The following XYLT1 variants were observed in gnomAD, a reference collection of about 807,000 sequenced individuals.
The protein encoded by XYLT1 is xylosyltransferase 1.
Under a neutral mutation model 91.3 loss-of-function variants are expected in XYLT1, and 36 were observed. The observed-to-expected ratio is 0.39, with a 90% CI of 0.30 to 0.52. The LOEUF is 0.52. Among genes scored for constraint, XYLT1 ranks in the 20% least tolerant of loss-of-function variants. The probability of loss-of-function intolerance (pLI) is 0.68; values close to 1 mark genes in which losing one functional copy is unlikely to be tolerated. For synonymous variants in XYLT1, 588 were observed against 532.0 expected (o/e 1.11, Z -1.45); for missense variants, 1,242 against 1,284.5 (o/e 0.97, Z 0.51).
intron 2 of XYLT1, among the ~76,000 whole-genome samples, chr16:17,351,972 C>A (rs2141856882): frequency 6.6e-6 from 1 of 152,214 alleles, no homozygotes; most frequent in South Asian, 2.1e-4. Context: ...AGCAAAATCC[C>A]ACCTCTACAA....
intron 1 of XYLT1, among the ~76,000 whole-genome samples, chr16:17,462,580 ACT>A (rs1433523011): frequency 6.6e-6 from 1 of 151,938 alleles, no homozygotes; most frequent in Admixed American, 6.6e-5. Context: ...TATTGAGGTA[ACT>A]CTCCAGTGTG....
At chr16:17,386,176 T>G (rs2035745981) in intron 1 of XYLT1, among the ~76,000 whole-genome samples, 1 of 152,230 alleles carries the variant, frequency 6.6e-6, no homozygotes, top group South Asian at 2.1e-4. Context: ...TGAGTTTTAC[T>G]GCTACCCAAA....
At chr16:17,357,970 A>G in intron 2 of XYLT1, 42 bp downstream of exon 2, 1 of 1,606,392 alleles carries the variant, frequency 6.2e-7, no homozygotes, top group Non-Finnish European at 8.5e-7. Context: ...GAGCTGGAAT[A>G]CTAAGGCTGA....
intron 1 of XYLT1, among the ~76,000 whole-genome samples, chr16:17,395,795 C>T (rs1443970813): frequency 1.3e-5 from 2 of 152,176 alleles, no homozygotes; most frequent in Non-Finnish European, 2.9e-5. Flanking sequence ...AATCAATTTA[C>T]CATATTGACA....
Position 17,184,413 on chromosome 16 carries a change from A to T in XYLT1, c.1289+13799T>A, listed in dbSNP as rs192193054. 2.0e-3 allele frequency among the ~76,000 whole-genome samples: 306 copies of T among 152,188 alleles called. 1 individual carries two copies. The highest frequency in any genetic ancestry group is 7.2e-3 in the African/African-American group (298 of 41,514). On this transcript the variant is annotated intron_variant, in intron 5 of 11. Coordinates refer to ENST00000261381, the MANE Select transcript of XYLT1 (RefSeq NM_022166.4). ...AATATCAAATTGGCAGAGGACAGAG[A>T]CCACATTTATTTCTGTACTATTTAG...
chr16:17,395,340 C>A (rs769763090), intron 1 of XYLT1, among the ~76,000 whole-genome samples: 1 of 152,000 alleles, frequency 6.6e-6, no homozygotes, highest in Non-Finnish European at 1.5e-5. Context: ...AACCCCCACC[C>A]ACACCAATCT....
At chr16:17,343,743 A>G (rs2141849226) in intron 2 of XYLT1, among the ~76,000 whole-genome samples, 1 of 152,340 alleles carries the variant, frequency 6.6e-6, no homozygotes, top group Non-Finnish European at 1.5e-5. Context: ...TGTTGGCATT[A>G]CAGGCATGAG....
At chr16:17,275,471 T>A (rs1347995807) in intron 2 of XYLT1, among the ~76,000 whole-genome samples, 2 of 151,864 alleles carry the variant, frequency 1.3e-5, no homozygotes, top group African/African-American at 4.8e-5. Flanking sequence ...TGGCCTGGGG[T>A]GGGGAAGGGA....
intron 6 of XYLT1, among the ~76,000 whole-genome samples, chr16:17,157,154 G>A (rs540071847): frequency 4.8e-4 from 73 of 152,136 alleles, no homozygotes; most frequent in African/African-American, 1.7e-3. Context: ...TACCATGTTG[G>A]CCAGGCTGGC....
intron 1 of XYLT1, among the ~76,000 whole-genome samples, chr16:17,417,400 C>T (rs2036192743): frequency 6.6e-6 from 1 of 152,082 alleles, no homozygotes; most frequent in African/African-American, 2.4e-5. Context: ...GCAGTCCTGC[C>T]CCAGGACCTT....
chr16:17,106,593 G>T lies in XYLT1; in HGVS notation c.*2102C>A. Reference sequence around the variant, plus strand: ...AATGCCCATAATTAGATGGGCCATGGGAAGGCAACCACGGAGCAAGCAGGA... The same window carrying T: ...AATGCCCATAATTAGATGGGCCATGTGAAGGCAACCACGGAGCAAGCAGGA... On this transcript the variant is annotated 3_prime_UTR_variant, in exon 12 of 12. Transcript: ENST00000261381. The T allele has an allele frequency of 6.6e-6, 1 of 152,344 alleles. No individual in the cohort carries two copies. The allele number at this position is 152,344 out of a possible 1,614,324, so 9.4% of individuals were successfully genotyped here. A position where few individuals can be genotyped will look rare whatever the true frequency, so the allele number is the denominator to read the frequency against.
At chr16:17,363,668 T>C (rs2035411789) in intron 1 of XYLT1, among the ~76,000 whole-genome samples, 1 of 152,082 alleles carries the variant, frequency 6.6e-6, no homozygotes, top group Non-Finnish European at 1.5e-5. Flanking sequence ...GCCTCCCGAG[T>C]AGCTGGGATT....
intron 3 of XYLT1, among the ~76,000 whole-genome samples, chr16:17,251,870 C>A (rs2033545390): frequency 6.6e-6 from 1 of 151,860 alleles, no homozygotes; most frequent in Admixed American, 6.6e-5. Flanking sequence ...GAAGCGCATT[C>A]AGGGTGGGAT....
chr16:17,151,017 G>A (rs1307433576), intron 6 of XYLT1, among the ~76,000 whole-genome samples: 13 of 152,148 alleles, frequency 8.5e-5, no homozygotes, highest in Admixed American at 1.3e-4. Flanking sequence ...CATAGGGGCC[G>A]ACTTGATCTG....
intron 1 of XYLT1, among the ~76,000 whole-genome samples, chr16:17,389,492 C>G (rs977797647): frequency 1.3e-5 from 2 of 152,190 alleles, no homozygotes; most frequent in African/African-American, 4.8e-5. Flanking sequence ...GAAAGGAGTA[C>G]AGACATTCTG....
At chr16:17,197,044 G>A (rs919067977) in intron 5 of XYLT1, among the ~76,000 whole-genome samples, 13 of 110,924 alleles carry the variant, frequency 1.2e-4, no homozygotes, top group African/African-American at 4.8e-4. Flanking sequence ...TATATATACC[G>A]TTCAGAATAT....
chr16:17,379,761 T>TTTCACACACACA (rs1555501200), intron 1 of XYLT1, among the ~76,000 whole-genome samples: 1 of 117,680 alleles, frequency 8.5e-6, no homozygotes, highest in African/African-American at 3.8e-5. Context: ...TCTCTCTCTC[T>TTTCACACACACA]CTCACACACA....
intron 9 of XYLT1, among the ~76,000 whole-genome samples, chr16:17,130,516 A>G (rs2030428494): frequency 6.6e-6 from 1 of 152,118 alleles, no homozygotes; most frequent in Non-Finnish European, 1.5e-5. Context: ...TCTGTCACCC[A>G]GGCTAGAGTG....
intron 9 of XYLT1, among the ~76,000 whole-genome samples, chr16:17,133,711 T>TGGCTTAGGGAAAGAGATGAGAGGA (rs2030590117): frequency 2.0e-5 from 3 of 152,220 alleles, no homozygotes; most frequent in Non-Finnish European, 4.4e-5. Context: ...AAGTCTTGAC[T>TGGCTTAGGGAAAGAGATGAGAGGA]GGCTTAGGGA....
Sources: gnomAD v4.1 joint callset for allele counts (sites outside exome capture counted in the v4.1 genomes callset) on GRCh38, gnomAD v4.1.1 for gene constraint, MANE v1.5 for transcripts, NCBI Gene and HGNC (gene_info 2026-07-23, HGNC 2026-07-21) for gene names.